SETBP1: variants seen among roughly 807,000 people sequenced by gnomAD.
The protein encoded by SETBP1 is SET-binding protein.
Under a neutral mutation model 101.0 loss-of-function variants are expected in SETBP1, and 9 were observed. The observed-to-expected ratio is 0.09, with a 90% CI of 0.05 to 0.16. The LOEUF is 0.16. Ranked by LOEUF, SETBP1 falls within the 10% of genes least tolerant of loss-of-function variation. SETBP1 has a pLI of 1.00. For missense variants in SETBP1, 1,858 were observed against 2,033.8 expected (o/e 0.91, Z 1.66); for synonymous variants, 818 against 788.5 (o/e 1.04, Z -0.63).
At chr18:44,738,128 A>T (rs2070012223) in intron 2 of SETBP1, among the ~76,000 whole-genome samples, 1 of 152,152 alleles carries the variant, frequency 6.6e-6, no homozygotes, top group Admixed American at 6.5e-5. Context: ...ACTTGCCCAT[A>T]TAAACTGCTA....
intron 2 of SETBP1, among the ~76,000 whole-genome samples, chr18:44,855,564 A>G (rs1455864633): frequency 6.6e-6 from 1 of 152,146 alleles, no homozygotes; most frequent in Non-Finnish European, 1.5e-5. Context: ...ATTGGGGCCA[A>G]CTCATGCTAG....
chr18:45,034,303 C>G (rs565433845), intron 4 of SETBP1, among the ~76,000 whole-genome samples: 1 of 152,180 alleles, frequency 6.6e-6, no homozygotes, highest in Non-Finnish European at 1.5e-5. Context: ...GATGCAGCGC[C>G]TGCCACTGAT....
chr18:44,907,456 T>C (rs2070201445), intron 3 of SETBP1, among the ~76,000 whole-genome samples: 1 of 152,186 alleles, frequency 6.6e-6, no homozygotes. Context: ...AGTTGCACCA[T>C]TGTATATGCT....
intron 3 of SETBP1, among the ~76,000 whole-genome samples, chr18:44,922,622 C>T (rs952380658): frequency 9.9e-5 from 15 of 152,184 alleles, no homozygotes; most frequent in Non-Finnish European, 1.9e-4. Flanking sequence ...TTAAAAATCT[C>T]TTTTCTCCAG....
At chr18:44,965,206 G>A (rs2071693521) in intron 4 of SETBP1, among the ~76,000 whole-genome samples, 1 of 151,778 alleles carries the variant, frequency 6.6e-6, no homozygotes, top group South Asian at 2.1e-4. Flanking sequence ...AATGTAAAAT[G>A]TAATCAGCCA....
intron 3 of SETBP1, among the ~76,000 whole-genome samples, chr18:44,905,087 A>G (rs1001112625): frequency 4.6e-5 from 7 of 152,226 alleles, no homozygotes; most frequent in Admixed American, 1.3e-4. Context: ...ATAAAAGTAT[A>G]AGAGACCACA....
chr18:44,846,387 C>G (rs912997506), intron 2 of SETBP1, among the ~76,000 whole-genome samples: 1 of 152,136 alleles, frequency 6.6e-6, no homozygotes, highest in Non-Finnish European at 1.5e-5. Context: ...ACTTTCAACC[C>G]CCCAAAAGAA....
At chr18:45,055,494 AT>A (rs1349975124) in intron 5 of SETBP1, among the ~76,000 whole-genome samples, 5 of 152,282 alleles carry the variant, frequency 3.3e-5, no homozygotes, top group East Asian at 3.9e-4. Context: ...TGATTTAAAT[AT>A]TTTTAATAGT....
chr18:45,035,110 A>T (rs1479484081), intron 4 of SETBP1, among the ~76,000 whole-genome samples: 2 of 152,150 alleles, frequency 1.3e-5, no homozygotes, highest in Non-Finnish European at 2.9e-5. Flanking sequence ...CCCAAGGACC[A>T]GTACCCCATC....
At chr18:44,974,661 G>T (rs1044080115) in intron 4 of SETBP1, among the ~76,000 whole-genome samples, 67 of 152,030 alleles carry the variant, frequency 4.4e-4, no homozygotes, top group East Asian at 3.9e-4. Context: ...CAAACAAACC[G>T]CAAATATATA....
intron 3 of SETBP1, among the ~76,000 whole-genome samples, chr18:44,898,129 C>T (rs2069952427): frequency 6.6e-6 from 1 of 152,184 alleles, no homozygotes; most frequent in Non-Finnish European, 1.5e-5. Context: ...ATGCCTGTTT[C>T]ATTGTTCCTC....
intron 3 of SETBP1, among the ~76,000 whole-genome samples, chr18:44,881,247 T>C (rs1025846009): frequency 3.9e-5 from 6 of 152,190 alleles, no homozygotes; most frequent in African/African-American, 1.2e-4. Context: ...GGATCAAAAG[T>C]GGACAGCTTT....
Position 45,043,714 on chromosome 18 carries a change from C to A in SETBP1, c.4171+5059C>A, listed in dbSNP as rs115230413. 3.0e-3 allele frequency among the ~76,000 whole-genome samples: 456 copies of A among 152,258 alleles called. 5 individuals are homozygous for A. Among genetic ancestry groups the A allele is most frequent in the African/African-American group, 0.01 (426 of 41,536 alleles). ...TGGCAGGGACTAATGTTAGGGAAAT[C>A]ATTTTGTTATTAGCCCAGCCATCAG... On this transcript the variant is annotated intron_variant, in intron 5 of 5. Transcript: ENST00000649279.
chr18:44,829,856 G>A (rs570235268), intron 2 of SETBP1, among the ~76,000 whole-genome samples: 56 of 152,262 alleles, frequency 3.7e-4, no homozygotes, highest in South Asian at 4.1e-4. Context: ...ATCCTTCTAC[G>A]TATCCACATT....
intron 2 of SETBP1, among the ~76,000 whole-genome samples, chr18:44,788,671 A>G (rs1201233585): frequency 6.6e-6 from 1 of 152,176 alleles, no homozygotes; most frequent in African/African-American, 2.4e-5. Flanking sequence ...TGGAAAGGCA[A>G]GCATGGAGTA....
At chr18:44,928,334 G>A (rs1300717989) in intron 3 of SETBP1, among the ~76,000 whole-genome samples, 1 of 152,204 alleles carries the variant, frequency 6.6e-6, no homozygotes, top group African/African-American at 2.4e-5. Context: ...TATCATTGAT[G>A]GACATTTGGG....
rs2072421767 is a variant in SETBP1, at chr18:44,833,425, C to T, written c.487-35805C>T. 2.6e-5 allele frequency among the ~76,000 whole-genome samples: 4 copies of T among 151,976 alleles called. No homozygotes were observed. The South Asian group carries it at 8.3e-4, about 32-fold the overall frequency. On this transcript the variant is annotated intron_variant, in intron 2 of 5. Transcript: ENST00000649279. ...GAGGGTTGGAAGAATGAGGAGAGTC[C>T]CTGGGAGTGGGAGGTTGTTGGAGTC... is the stretch of plus-strand genomic sequence containing the variant.
At chr18:44,850,876 A>G (rs1054501457) in intron 2 of SETBP1, among the ~76,000 whole-genome samples, 10 of 152,176 alleles carry the variant, frequency 6.6e-5, no homozygotes, top group African/African-American at 1.9e-4. Context: ...TTATTCACCA[A>G]TTGGTAGACA....
chr18:45,014,476 G>C (rs1001377876), intron 4 of SETBP1, among the ~76,000 whole-genome samples: 1 of 152,234 alleles, frequency 6.6e-6, no homozygotes, highest in Non-Finnish European at 1.5e-5. Flanking sequence ...CATACAGCCA[G>C]AGACAGGTTC....
Sources: gnomAD v4.1 joint callset for allele counts (sites outside exome capture counted in the v4.1 genomes callset) on GRCh38, gnomAD v4.1.1 for gene constraint, MANE v1.5 for transcripts, NCBI Gene and HGNC (gene_info 2026-07-23, HGNC 2026-07-21) for gene names.